SUMF1: variants seen among roughly 807,000 people sequenced by gnomAD.
SUMF1 encodes the protein sulfatase modifying factor 1.
Under a neutral mutation model 47.6 loss-of-function variants are expected in SUMF1, and 48 were observed. That is an observed-to-expected ratio of 1.01 (90% CI 0.80 to 1.28). The LOEUF is 1.28. Ranked by LOEUF, SUMF1 falls within the 50% of genes most tolerant of loss-of-function variation. SUMF1 has a pLI of 0.00. For synonymous variants in SUMF1, 230 were observed against 192.1 expected, an observed-to-expected ratio of 1.20 and a Z score of -1.63; for missense variants, 571 against 485.4, an observed-to-expected ratio of 1.18 and a Z score of -1.66.
intron 5 of SUMF1, among the ~76,000 whole-genome samples, chr3:4,417,624 T>C (rs895993364): frequency 1.3e-5 from 2 of 152,220 alleles, no homozygotes; most frequent in Non-Finnish European, 2.9e-5. Flanking sequence ...CTAGAAGATG[T>C]GAACCCAACA....
chr3:4,161,280 C>A (rs760665010), intron 8 of SUMF1, among the ~76,000 whole-genome samples: 16 of 152,164 alleles, frequency 1.1e-4, no homozygotes, highest in Non-Finnish European at 2.1e-4. Flanking sequence ...AGACACAGCA[C>A]TGGATCTTGC....
chr3:4,191,231 G>A (rs1695307963), intron 8 of SUMF1, among the ~76,000 whole-genome samples: 1 of 152,100 alleles, frequency 6.6e-6, no homozygotes, highest in South Asian at 2.1e-4. Flanking sequence ...CATTTAGAGT[G>A]GCTGTAGGGG....
At chr3:4,249,277 T>C (rs1216177911) in intron 8 of SUMF1, among the ~76,000 whole-genome samples, 1 of 152,196 alleles carries the variant, frequency 6.6e-6, no homozygotes, top group Non-Finnish European at 1.5e-5. Context: ...ACAGTCTTAT[T>C]TTATTCTGCT....
At chr3:4,157,950 C>T (rs756293130) in intron 8 of SUMF1, among the ~76,000 whole-genome samples, 5 of 150,414 alleles carry the variant, frequency 3.3e-5, no homozygotes, top group Non-Finnish European at 7.4e-5. Context: ...GGTCTGGCAG[C>T]GCTGCCCAAT....
rs574132982 is a variant in SUMF1, at chr3:4,460,623, TGAGA to T, written c.270+6349_270+6352del. On this transcript the variant is annotated intron_variant, in intron 1 of 8. Coordinates refer to ENST00000272902, the MANE Select transcript of SUMF1 (RefSeq NM_182760.4). ...CAGTGTGTGTGTGTGTGTGTGTGTGTGAGAGTGTGTGTGTGTATATATATACATA... is the reference window on the plus strand; with the variant it reads ...CAGTGTGTGTGTGTGTGTGTGTGTGTGTGTGTGTGTGTATATATATACATA... Among the ~76,000 whole-genome samples the T allele has an allele frequency of 6.2e-3, 918 of 147,364 alleles. 8 individuals are homozygous for T. The highest frequency in any genetic ancestry group is 0.022 in the African/African-American group (873 of 39,700).
At chr3:4,140,301 G>A (rs1366566725) in intron 8 of SUMF1, among the ~76,000 whole-genome samples, 1 of 152,048 alleles carries the variant, frequency 6.6e-6, no homozygotes, top group Non-Finnish European at 1.5e-5. Context: ...AGATGCATCT[G>A]TAAATCCTTC....
chr3:4,232,005 G>T (rs971790915), intron 8 of SUMF1, among the ~76,000 whole-genome samples: 1 of 152,102 alleles, frequency 6.6e-6, no homozygotes, highest in African/African-American at 2.4e-5. Flanking sequence ...TAATGGGAAT[G>T]ATCAGAACAA....
At chr3:4,375,083 C>T (rs1700283273) in intron 8 of SUMF1, among the ~76,000 whole-genome samples, 1 of 134,016 alleles carries the variant, frequency 7.5e-6, no homozygotes, top group South Asian at 2.3e-4. Context: ...CTGTAGTGAG[C>T]TGTGATTGTG....
intron 2 of SUMF1, among the ~76,000 whole-genome samples, chr3:4,452,290 C>A (rs1392969788): frequency 6.6e-6 from 1 of 152,200 alleles, no homozygotes; most frequent in African/African-American, 2.4e-5. Context: ...TTTAGGAAAG[C>A]ATCCACTATC....
intron 8 of SUMF1, among the ~76,000 whole-genome samples, chr3:4,233,890 A>G (rs1445326761): frequency 6.6e-6 from 1 of 152,156 alleles, no homozygotes; most frequent in East Asian, 1.9e-4. Context: ...ATAAATATTC[A>G]TTTGTACCCA....
intron 8 of SUMF1, among the ~76,000 whole-genome samples, chr3:4,340,105 GCA>G (rs143927076): frequency 0.15 from 22,229 of 150,538 alleles, 1,775 homozygotes; most frequent in Middle Eastern, 0.21. Flanking sequence ...GCACCAATGT[GCA>G]CACACACACA....
intron 8 of SUMF1, among the ~76,000 whole-genome samples, chr3:4,083,905 T>G (rs747236808): frequency 5.1e-4 from 78 of 151,992 alleles, no homozygotes; most frequent in Middle Eastern, 6.8e-3. Context: ...AATGTTATCG[T>G]GTTTCTCTGA....
chr3:4,084,894 C>T (rs1214162510), intron 8 of SUMF1, among the ~76,000 whole-genome samples: 3 of 152,068 alleles, frequency 2.0e-5, no homozygotes, highest in African/African-American at 4.8e-5. Flanking sequence ...TTACGTCTTT[C>T]CCAGTTTTCA....
At chr3:4,242,150 G>A (rs2124997993) in intron 8 of SUMF1, among the ~76,000 whole-genome samples, 2 of 152,226 alleles carry the variant, frequency 1.3e-5, no homozygotes, top group South Asian at 4.1e-4. Context: ...TGCTGAAGTT[G>A]CTTATCAGCT....
At chr3:4,120,493 G>A (rs17039974) in intron 8 of SUMF1, among the ~76,000 whole-genome samples, 4,443 of 152,208 alleles carry the variant, frequency 0.029, 234 homozygotes, top group African/African-American at 0.1. Flanking sequence ...GTACAACTCT[G>A]ACCTAAAATA....
chr3:4,073,913 A>G (rs57950841), intron 8 of SUMF1, among the ~76,000 whole-genome samples: 16,619 of 152,148 alleles, frequency 0.11, 1,891 homozygotes, highest in African/African-American at 0.27. Context: ...ATCCACTGTC[A>G]ATATTAGACA....
chr3:4,361,673 A>C lies in SUMF1; in HGVS notation c.*471T>G, dbSNP rs2259818. On this transcript the variant is annotated 3_prime_UTR_variant, in exon 9 of 9. Transcript: ENST00000272902. ...AAAAAATAGCTAAAAAATAATCTATAATAAATTCTCACTATGAAGTCACAA... is the reference window on the plus strand; with the variant it reads ...AAAAAATAGCTAAAAAATAATCTATCATAAATTCTCACTATGAAGTCACAA... The C allele has an allele frequency of 0.97, 168,385 of 174,370 alleles. 81,299 individuals carry two copies. Among genetic ancestry groups the C allele is most frequent in the Non-Finnish European group, 0.99 (79,817 of 80,572 alleles). The allele number at this position is 174,370 out of a possible 1,614,324, so 10.8% of individuals were successfully genotyped here.
intron 8 of SUMF1, among the ~76,000 whole-genome samples, chr3:4,334,167 A>G (rs1699101675): frequency 6.6e-6 from 1 of 152,182 alleles, no homozygotes; most frequent in African/African-American, 2.4e-5. Context: ...AAAAATTCCA[A>G]AAAACAGGAA....
intron 8 of SUMF1, among the ~76,000 whole-genome samples, chr3:4,216,378 A>G (rs1456570996): frequency 1.3e-5 from 2 of 152,228 alleles, no homozygotes; most frequent in African/African-American, 4.8e-5. Flanking sequence ...TACACCTTCT[A>G]CAAAAATTAA....
Sources: allele counts gnomAD v4.1 joint callset (sites outside exome capture counted in the v4.1 genomes callset), GRCh38; gene constraint gnomAD v4.1.1; transcripts MANE v1.5; gene names NCBI Gene and HGNC (gene_info 2026-07-23, HGNC 2026-07-21).